The following COL5A3 variants were observed in gnomAD, a reference collection of about 807,000 sequenced individuals.
COL5A3 encodes the protein collagen alpha-3(V) chain.
A neutral mutation model predicts 250.0 loss-of-function variants in COL5A3; 172 were observed. The observed-to-expected ratio is 0.69, with a 90% CI of 0.61 to 0.78. COL5A3 has a LOEUF of 0.78. COL5A3 is among the 30% of genes least tolerant of loss of function. The probability of loss-of-function intolerance (pLI) is 0.00; values close to 1 mark genes in which losing one functional copy is unlikely to be tolerated. For missense variants in COL5A3, 2,340 were observed against 2,334.4 expected (o/e 1.00, Z -0.05); for synonymous variants, 937 against 900.4 (o/e 1.04, Z -0.73).
chr19:9,997,372 G>A lies in COL5A3; in HGVS notation c.1262C>T (p.Pro421Leu), dbSNP rs201475782. 2.8e-5 allele frequency: 45 copies of A among 1,607,990 alleles called. No individual in the cohort carries two copies. The highest frequency in any genetic ancestry group is 7.8e-5 in the South Asian group (7 of 89,562). Residue 421 changes from proline to leucine, a missense_variant and splice_region_variant, in exon 11 of 67, where the codon CCG becomes CTG. Around this residue, in one of 3 missense-constraint regions of COL5A3, gnomAD observed 1,152 missense variants for 1,146.3 expected, o/e 1.00. Coordinates refer to ENST00000264828, the MANE Select transcript of COL5A3 (RefSeq NM_015719.4). ...TACACCCCAGTGGGAGTCTCTTACCGGTGGACCAGGGTCGCCAGGGAATCC... is the reference window on the plus strand; with the variant it reads ...TACACCCCAGTGGGAGTCTCTTACCAGTGGACCAGGGTCGCCAGGGAATCC... ...PPGFPGDPGP[P>L]GPAGLPGIPG...
intron 37 of COL5A3, 75 bp downstream of exon 37, chr19:9,979,764 T>G (rs1443793028): frequency 5.9e-6 from 8 of 1,353,180 alleles, no homozygotes; most frequent in African/African-American, 1.5e-5. Context: ...CTAGCCCAGG[T>G]GACAGAGTGA....
chr19:9,963,554 T>G (rs200275477), intron 64 of COL5A3, among the ~76,000 whole-genome samples: 833 of 48,564 alleles, frequency 0.017, 29 homozygotes, highest in Admixed American at 0.12. Context: ...ACCATGCCTG[T>G]TTTTTTTGGG....
At position 9,967,483 on chromosome 19, in the gene COL5A3, TCACACACACACTCACA is replaced by T. The variant is rs1208456303; in HGVS notation, c.4405-99_4405-84del. 30 of 812,476 alleles carry T rather than the reference TCACACACACACTCACA, an allele frequency of 3.7e-5. No homozygotes were observed. In the East Asian group the frequency reaches 6.1e-4, roughly 16 times the overall value. The allele number at this position is 812,476 out of a possible 1,614,324, so 50.3% of individuals were successfully genotyped here. On this transcript the variant is annotated intron_variant, in intron 61 of 66. Coordinates refer to ENST00000264828, the MANE Select transcript of COL5A3 (RefSeq NM_015719.4). Reference sequence around the variant, plus strand: ...CATACACACAAACACACACACACACTCACACACACACTCACACACACACAGTCTCACACACTCACAT... The same window carrying T: ...CATACACACAAACACACACACACACTCACACACAGTCTCACACACTCACAT...
intron 26 of COL5A3, 62 bp from the exon 27 acceptor site, chr19:9,989,239 A>C: frequency 6.2e-7 from 1 of 1,609,362 alleles, no homozygotes; most frequent in Non-Finnish European, 8.5e-7. Context: ...AAGAGCCCTC[A>C]TCTCTCTCCT....
chr19:9,974,137 C>A, intron 47 of COL5A3, 34 bp downstream of exon 47: 1 of 1,605,754 alleles, frequency 6.2e-7, no homozygotes, highest in Non-Finnish European at 8.5e-7. Flanking sequence ...ACCCCACCAT[C>A]CTCCCCCTCC....
chr19:9,968,286 C>T lies in COL5A3; in HGVS notation c.4314+99G>A. ...CCCCTATTTTCCCCACACACACCCTCATTAATCCAGACCCACGTTTCCCAG... is the reference window on the plus strand; with the variant it reads ...CCCCTATTTTCCCCACACACACCCTTATTAATCCAGACCCACGTTTCCCAG... On this transcript the variant is annotated intron_variant, in intron 59 of 66. Coordinates refer to ENST00000264828, the MANE Select transcript of COL5A3 (RefSeq NM_015719.4). The surrounding 1 kb of genome is among the most constrained non-coding windows in gnomAD (Gnocchi z 4.1). 8.9e-7 allele frequency: 1 copy of T among 1,119,632 alleles called. No individual in the cohort carries two copies. Among genetic ancestry groups the T allele is most frequent in the Non-Finnish European group, 1.3e-6 (1 of 759,200 alleles). 69.4% of individuals were successfully genotyped at this position (1,119,632 alleles called of 1,614,324 possible).
At chr19:9,997,575 C>T in intron 10 of COL5A3, 142 bp from the exon 11 acceptor site, 1 of 611,200 alleles carries the variant, frequency 1.6e-6, no homozygotes, top group South Asian at 2.0e-5. Context: ...GCAATACTGA[C>T]CCCCACTCAC....
intron 2 of COL5A3, 34 bp downstream of exon 2, chr19:10,006,039 C>G: frequency 6.2e-7 from 1 of 1,611,328 alleles, no homozygotes; most frequent in Non-Finnish European, 8.5e-7. Flanking sequence ...TGCCTCCCTC[C>G]GGGGAGGTAC....
intron 10 of COL5A3, 51 bp downstream of exon 10, chr19:9,997,933 C>T (rs374897148): frequency 3.7e-6 from 6 of 1,604,736 alleles, no homozygotes; most frequent in African/African-American, 1.3e-5. Context: ...GATTAAACAC[C>T]CCTCAGCTGG....
intron 65 of COL5A3, among the ~76,000 whole-genome samples, chr19:9,961,419 C>T (rs1231640781): frequency 6.6e-6 from 1 of 151,996 alleles, no homozygotes; most frequent in Non-Finnish European, 1.5e-5. Flanking sequence ...AGTTGGGGTG[C>T]ACTGGCACAA....
chr19:9,978,834 C>A (rs929450359), intron 40 of COL5A3, 57 bp downstream of exon 40: 6 of 1,115,632 alleles, frequency 5.4e-6, no homozygotes, highest in Non-Finnish European at 6.1e-6. Context: ...CCTCCCCTGA[C>A]CCCCCCATCC....
At chr19:9,997,575 C>A (rs904497533) in intron 10 of COL5A3, 142 bp from the exon 11 acceptor site, 9 of 611,082 alleles carry the variant, frequency 1.5e-5, no homozygotes, top group South Asian at 7.9e-5. Flanking sequence ...GCAATACTGA[C>A]CCCCACTCAC....
At chr19:9,984,563 C>A (rs1299727653) in intron 31 of COL5A3, among the ~76,000 whole-genome samples, 2 of 152,142 alleles carry the variant, frequency 1.3e-5, no homozygotes, top group East Asian at 3.8e-4. Context: ...TCCCCTTTAA[C>A]TGACTTTGTT....
chr19:9,984,763 C>T (rs1453903505), intron 31 of COL5A3, among the ~76,000 whole-genome samples: 3 of 151,940 alleles, frequency 2.0e-5, no homozygotes, highest in African/African-American at 7.3e-5. Context: ...GGGCATTTGA[C>T]CCCAAGTCTG....
At chr19:9,999,360 T>G (rs901505943) in intron 8 of COL5A3, among the ~76,000 whole-genome samples, 5 of 137,190 alleles carry the variant, frequency 3.6e-5, no homozygotes, top group Admixed American at 3.5e-4. Context: ...TGCCCAGCTA[T>G]TTTTTATTTT....
Position 9,970,809 on chromosome 19 carries a change from C to T in COL5A3, c.3883-134G>A, listed in dbSNP as rs192320112. On this transcript the variant is annotated intron_variant, in intron 53 of 66. Transcript: ENST00000264828. ...ACCGGGTACTCCCACCTCCCACCTA[C>T]TCCCTCAAGCTGCTCACATTCCTGG... The T allele has an allele frequency of 4.5e-5, 45 of 990,040 alleles. No homozygotes were observed. The Admixed American group carries it at 5.7e-4, about 13-fold the overall frequency. 61.3% of individuals were successfully genotyped at this position (990,040 alleles called of 1,614,324 possible).
At chr19:9,997,503 A>G (rs2087290330) in intron 10 of COL5A3, 70 bp from the exon 11 acceptor site, 1 of 988,670 alleles carries the variant, frequency 1.0e-6, no homozygotes, top group Non-Finnish European at 1.5e-6. Context: ...TCAACCTACC[A>G]CTGACTCTAA....
rs1343738055 is a variant in COL5A3, at chr19:9,966,484, C to CCCCCCACA, written c.4669+44_4669+51dup. 4.5e-6 allele frequency: 7 copies of CCCCCCACA among 1,555,782 alleles called. No homozygotes were observed. In the East Asian group the frequency reaches 1.4e-4, roughly 31 times the overall value. On this transcript the variant is annotated intron_variant, in intron 63 of 66. Coordinates refer to ENST00000264828, the MANE Select transcript of COL5A3 (RefSeq NM_015719.4). ...GGATGGGACCCGACGGACCCCAACC[C>CCCCCCACA]CCCCCACACCCCCACTCCGCCCATC...
intron 49 of COL5A3, 45 bp from the exon 50 acceptor site, chr19:9,973,668 G>A (rs769581483): frequency 1.2e-6 from 2 of 1,611,072 alleles, no homozygotes; most frequent in Admixed American, 3.3e-5. Flanking sequence ...CATCCTAGCA[G>A]ACAGGGAGGG....
Sources: gnomAD v4.1 joint callset for allele counts (sites outside exome capture counted in the v4.1 genomes callset) on GRCh38, gnomAD v4.1.1 for gene constraint, gnomAD v4.1.1 regional missense constraint, Gnocchi (gnomAD v3.1) non-coding constraint, MANE v1.5 for transcripts, NCBI Gene and HGNC (gene_info 2026-07-23, HGNC 2026-07-21) for gene names.